AFF1: variants seen among roughly 807,000 people sequenced by gnomAD.
AFF1 encodes AF4/FMR2 family member 1.
AFF1 carries 48 observed loss-of-function variants against 121.7 expected under a neutral mutation model. That is an observed-to-expected ratio of 0.39 (90% CI 0.31 to 0.50). The LOEUF (loss-of-function observed/expected upper bound fraction) is 0.50. Ranked by LOEUF, AFF1 falls within the 20% of genes least tolerant of loss-of-function variation. The probability of loss-of-function intolerance (pLI) is 0.76; values close to 1 mark genes in which losing one functional copy is unlikely to be tolerated. For missense variants in AFF1, 1,523 were observed against 1,511.7 expected, an observed-to-expected ratio of 1.01 and a Z score of -0.12; for synonymous variants, 613 against 563.0, an observed-to-expected ratio of 1.09 and a Z score of -1.26.
chr4:87,007,262 A>G, intron 2 of AFF1: 3 of 1,514,622 alleles, frequency 2.0e-6, no homozygotes, highest in Non-Finnish European at 2.6e-6. Flanking sequence ...CCGGGGCTCG[A>G]GAGCAGGTAG....
intron 6 of AFF1, among the ~76,000 whole-genome samples, chr4:87,090,658 A>G (rs1724207781): frequency 6.6e-6 from 1 of 152,096 alleles, no homozygotes; most frequent in African/African-American, 2.4e-5. Flanking sequence ...TCATTGTTTT[A>G]TATACATAAT....
At chr4:87,090,411 C>T (rs943893664) in intron 6 of AFF1, among the ~76,000 whole-genome samples, 21 of 152,324 alleles carry the variant, frequency 1.4e-4, no homozygotes, top group African/African-American at 4.3e-4. Flanking sequence ...TATGCACATA[C>T]ATCTTACATA....
intron 2 of AFF1, among the ~76,000 whole-genome samples, chr4:87,045,249 A>G (rs1730557284): frequency 1.3e-5 from 2 of 152,242 alleles, no homozygotes; most frequent in Non-Finnish European, 1.5e-5. Flanking sequence ...GGGAGAAAAC[A>G]TTCAGTAGAT....
At chr4:87,065,510 TAAAA>T (rs35526401) in intron 4 of AFF1, among the ~76,000 whole-genome samples, 3 of 145,560 alleles carry the variant, frequency 2.1e-5, no homozygotes, top group Non-Finnish European at 4.5e-5. Flanking sequence ...GAGGTGAGGT[TAAAA>T]AAAAAAAAAG....
At chr4:87,109,890 T>C (rs1726288898) in intron 11 of AFF1, among the ~76,000 whole-genome samples, 1 of 152,262 alleles carries the variant, frequency 6.6e-6, no homozygotes, top group Admixed American at 6.5e-5. Flanking sequence ...AGATCCAGGC[T>C]TGGGGACAGT....
intron 8 of AFF1, among the ~76,000 whole-genome samples, chr4:87,097,746 T>C (rs112294737): frequency 3.3e-5 from 5 of 152,224 alleles, no homozygotes; most frequent in East Asian, 1.9e-4. Context: ...CGTGGTGGTA[T>C]TGATAAGTGC....
intron 2 of AFF1, among the ~76,000 whole-genome samples, chr4:86,991,293 A>G (rs918900730): frequency 6.6e-6 from 1 of 151,926 alleles, no homozygotes; most frequent in South Asian, 2.1e-4. Context: ...AAATACAAAA[A>G]AATTAGCCGG....
At chr4:86,994,498 T>C (rs920908771) in intron 2 of AFF1, among the ~76,000 whole-genome samples, 2 of 152,214 alleles carry the variant, frequency 1.3e-5, no homozygotes, top group Admixed American at 6.6e-5. Context: ...CAAACACATG[T>C]GTAAAAGGAA....
At chr4:87,064,741 T>C (rs529270975) in intron 4 of AFF1, among the ~76,000 whole-genome samples, 96 of 152,028 alleles carry the variant, frequency 6.3e-4, no homozygotes, top group African/African-American at 2.2e-3. Flanking sequence ...TAGCCAGGCA[T>C]GGTGGTGGGT....
chr4:87,043,711 A>G (rs1325171799), intron 2 of AFF1, among the ~76,000 whole-genome samples: 2 of 152,230 alleles, frequency 1.3e-5, no homozygotes, highest in Non-Finnish European at 2.9e-5. Context: ...GGCATAAATT[A>G]TTAACTTTGT....
At chr4:87,032,867 A>C (rs144842332) in intron 2 of AFF1, among the ~76,000 whole-genome samples, 1,732 of 152,282 alleles carry the variant, frequency 0.011, 37 homozygotes, top group African/African-American at 0.039. Context: ...AAATGTTTCA[A>C]GCTGTGTGCA....
intron 2 of AFF1, among the ~76,000 whole-genome samples, chr4:87,042,160 G>A (rs559462514): frequency 7.6e-4 from 115 of 152,128 alleles, no homozygotes; most frequent in African/African-American, 2.7e-3. Context: ...GCTCAACAAA[G>A]GTTTACTCAT....
chr4:86,967,689 A>T (rs558943544), intron 2 of AFF1, among the ~76,000 whole-genome samples: 2 of 152,054 alleles, frequency 1.3e-5, no homozygotes, highest in Admixed American at 6.6e-5. Context: ...GGTTGGATGC[A>T]TGAAACAGAA....
At chr4:86,995,339 C>T (rs2149511455) in intron 2 of AFF1, among the ~76,000 whole-genome samples, 1 of 130,780 alleles carries the variant, frequency 7.6e-6, no homozygotes, top group East Asian at 2.4e-4. Context: ...CCCTCTCTTT[C>T]CACGGTCTCC....
intron 8 of AFF1, among the ~76,000 whole-genome samples, chr4:87,103,129 T>TA (rs1002312918): frequency 2.0e-5 from 3 of 152,328 alleles, no homozygotes; most frequent in East Asian, 1.9e-4. Context: ...ACTTGTAACT[T>TA]AAAAAAAGTA....
chr4:87,047,155 C>T lies in AFF1; in HGVS notation c.620C>T (p.Pro207Leu), dbSNP rs763027220. 1.2e-5 allele frequency: 20 copies of T among 1,614,196 alleles called. No individual in the cohort carries two copies. Among genetic ancestry groups the T allele is most frequent in the Non-Finnish European group, 1.7e-5 (20 of 1,180,036 alleles). ...TDSAPERELS[P>L]LISLPSPVPP... Reference sequence around the variant, plus strand: ...TCGGCTCCAGAGAGGGAGCTTTCTCCCTTAATCTCTTTGCCTTCCCCAGTT... The same window carrying T: ...TCGGCTCCAGAGAGGGAGCTTTCTCTCTTAATCTCTTTGCCTTCCCCAGTT... The change falls in exon 4 of 21, where the codon CCC becomes CTC. Residue 207 changes from proline (P) to leucine (L), a missense_variant. Pro to Leu is a moderately conservative substitution (Grantham distance 98). Coordinates refer to ENST00000395146, the MANE Select transcript of AFF1 (RefSeq NM_001166693.3).
Position 87,114,990 on chromosome 4 carries a change from AC to A in AFF1, c.2161del (p.His721ThrfsTer30). On this transcript the variant is annotated frameshift_variant, in exon 12 of 21. Coordinates refer to ENST00000395146, the MANE Select transcript of AFF1 (RefSeq NM_001166693.3). LOFTEE classifies it high-confidence loss of function. ...TTCCCCTGACTGAGAGCCAGGGCCCACCCCACAGTGGCAGCGGCAGCAGGAC... is the reference window on the plus strand; with the variant it reads ...TTCCCCTGACTGAGAGCCAGGGCCCACCCACAGTGGCAGCGGCAGCAGGAC... Reference protein sequence around the residue: ...LVPLTESQGPPHSGSGSRTSG... With the variant: ...LVPLTESQGPXHSGSGSRTSG... 6.2e-7 allele frequency: 1 copy of A among 1,612,692 alleles called. No individual in the cohort carries two copies. The highest frequency in any genetic ancestry group is 8.5e-7 in the Non-Finnish European group (1 of 1,179,928).
chr4:87,021,893 C>T (rs1317563759), intron 2 of AFF1, among the ~76,000 whole-genome samples: 1 of 152,168 alleles, frequency 6.6e-6, no homozygotes, highest in African/African-American at 2.4e-5. Flanking sequence ...AAATCTTTCA[C>T]ATCTTTATGC....
intron 2 of AFF1, among the ~76,000 whole-genome samples, chr4:87,025,604 C>T (rs970174419): frequency 1.8e-4 from 28 of 152,116 alleles, no homozygotes; most frequent in African/African-American, 5.3e-4. Flanking sequence ...TTCCCTATCC[C>T]GGGGATATTT....
Sources: gnomAD v4.1 joint callset for allele counts (sites outside exome capture counted in the v4.1 genomes callset) on GRCh38, gnomAD v4.1.1 for gene constraint, MANE v1.5 for transcripts, NCBI Gene and HGNC (gene_info 2026-07-23, HGNC 2026-07-21) for gene names.